XRN1: variants seen among roughly 807,000 people sequenced by gnomAD.
XRN1 encodes strand-exchange protein 1 homolog.
XRN1 carries 67 observed loss-of-function variants against 222.3 expected under a neutral mutation model. The ratio of observed to expected loss-of-function variants is 0.30; its 90% CI spans 0.25 to 0.37. The LOEUF (loss-of-function observed/expected upper bound fraction) is 0.37, where lower values mean the gene tolerates loss of function less well. Among genes scored for constraint, XRN1 ranks in the 10% least tolerant of loss-of-function variants. XRN1 has a pLI of 1.00. For missense variants in XRN1, 1,707 were observed against 2,000.2 expected, an observed-to-expected ratio of 0.85 and a Z score of 2.80; for synonymous variants, 643 against 652.4, an observed-to-expected ratio of 0.99 and a Z score of 0.22.
chr3:142,365,501 C>T (rs2066786921), intron 27 of XRN1, 135 bp from the exon 28 acceptor site: 9 of 568,274 alleles, frequency 1.6e-5, no homozygotes, highest in African/African-American at 2.0e-5. Context: ...TAAAGTTCTG[C>T]AGCTGCAGCA....
At chr3:142,384,476 AT>A (rs768123745) in intron 21 of XRN1, 46 bp downstream of exon 21, 17 of 1,453,352 alleles carry the variant, frequency 1.2e-5, no homozygotes, top group Admixed American at 1.9e-5. Flanking sequence ...TGAATAGTGT[AT>A]TAATAGTGTA....
chr3:142,324,705 C>T (rs1230279436), intron 37 of XRN1, among the ~76,000 whole-genome samples: 1 of 151,874 alleles, frequency 6.6e-6, no homozygotes, highest in Non-Finnish European at 1.5e-5. Context: ...AGTTTACAGT[C>T]CCAACAACAG....
chr3:142,320,252 A>G (rs1024229052), intron 37 of XRN1, among the ~76,000 whole-genome samples: 8 of 152,116 alleles, frequency 5.3e-5, no homozygotes, highest in Non-Finnish European at 5.9e-5. Context: ...TGACTTTTTT[A>G]ATAATAGCCA....
At chr3:142,380,061 A>G (rs1254641957) in intron 23 of XRN1, 21 bp downstream of exon 23, 1 of 1,582,570 alleles carries the variant, frequency 6.3e-7, no homozygotes. Flanking sequence ...TAAATGAAAC[A>G]ATACAAACTA....
intron 30 of XRN1, 142 bp from the exon 31 acceptor site, chr3:142,357,261 A>T: frequency 1.4e-6 from 1 of 723,114 alleles, no homozygotes; most frequent in Non-Finnish European, 2.3e-6. Flanking sequence ...ACCTCAAATC[A>T]CAGCAATAGC....
At chr3:142,412,738 A>ATATT in intron 14 of XRN1, 75 bp from the exon 15 acceptor site, 1 of 1,178,168 alleles carries the variant, frequency 8.5e-7, no homozygotes, top group Non-Finnish European at 1.1e-6. Context: ...TGTATTTATA[A>ATATT]TATTTCCTCA....
Position 142,414,294 on chromosome 3 carries a change from A to G in XRN1, c.1437-3T>C. The G allele has an allele frequency of 1.3e-6, 2 of 1,554,156 alleles. No individual in the cohort carries two copies. The highest frequency in any genetic ancestry group is 1.3e-5 in the South Asian group (1 of 79,524). On this transcript the variant is annotated splice_polypyrimidine_tract_variant and splice_region_variant and intron_variant, in intron 13 of 40. Coordinates refer to ENST00000392981, the MANE Select transcript of XRN1 (RefSeq NM_001282857.2). ...GTGCATAATGATAAGGATAATACCT[A>G]TAAAACAAAACTGAGTTTTAAACAA...
intron 15 of XRN1, among the ~76,000 whole-genome samples, chr3:142,411,191 A>G (rs986991639): frequency 6.6e-6 from 1 of 152,170 alleles, no homozygotes; most frequent in African/African-American, 2.4e-5. Flanking sequence ...GCTCCTCTTC[A>G]TTCCCAATAT....
Position 142,368,956 on chromosome 3 carries a change from C to A in XRN1, c.3204+1529G>T, listed in dbSNP as rs578136896. On this transcript the variant is annotated intron_variant, in intron 27 of 40. Transcript: ENST00000392981. ...TTATCTTTTTGAGGACACTCTGAGG[C>A]AGGTACTATTTTATTCTAATTTTAC... Among the ~76,000 whole-genome samples the A allele has an allele frequency of 3.3e-5, 5 of 152,224 alleles. No homozygotes were observed. In the South Asian group the frequency reaches 1.0e-3, roughly 32 times the overall value.
chr3:142,376,321 G>T (rs1011800500), intron 24 of XRN1, 158 bp downstream of exon 24: 4 of 713,064 alleles, frequency 5.6e-6, no homozygotes, highest in Non-Finnish European at 9.3e-6. Context: ...TAAAACATGT[G>T]CCATTCAGAT....
At chr3:142,406,422 G>A (rs1348170052) in intron 15 of XRN1, among the ~76,000 whole-genome samples, 3 of 152,182 alleles carry the variant, frequency 2.0e-5, no homozygotes, top group Non-Finnish European at 4.4e-5. Context: ...CAGGACAAAA[G>A]CTTCTTGACA....
At chr3:142,384,262 ACT>A (rs1448261526) in intron 21 of XRN1, among the ~76,000 whole-genome samples, 2 of 145,790 alleles carry the variant, frequency 1.4e-5, no homozygotes, top group Non-Finnish European at 3.0e-5. Context: ...ACAGAGCGAG[ACT>A]CTGTCTCAAA....
chr3:142,415,673 G>A (rs949010728), intron 13 of XRN1, among the ~76,000 whole-genome samples: 34 of 152,166 alleles, frequency 2.2e-4, no homozygotes, highest in African/African-American at 7.2e-4. Flanking sequence ...AGAATCAGGT[G>A]ATTATAAAAC....
chr3:142,413,371 G>A (rs190666341), intron 14 of XRN1, among the ~76,000 whole-genome samples: 3 of 152,232 alleles, frequency 2.0e-5, no homozygotes, highest in East Asian at 3.9e-4. Context: ...TGTATCCAAA[G>A]GCAGGGAAAA....
intron 20 of XRN1, among the ~76,000 whole-genome samples, chr3:142,395,038 C>G (rs908404448): frequency 2.6e-5 from 4 of 152,186 alleles, no homozygotes; most frequent in African/African-American, 9.7e-5. Flanking sequence ...CTACATTCTT[C>G]CTGCAAAAGT....
At chr3:142,316,592 C>G (rs2065217215) in intron 39 of XRN1, among the ~76,000 whole-genome samples, 1 of 152,148 alleles carries the variant, frequency 6.6e-6, no homozygotes, top group Non-Finnish European at 1.5e-5. Context: ...TCCTTACTGC[C>G]AAGACTTCCC....
Position 142,380,151 on chromosome 3 carries a change from T to A in XRN1, c.2646A>T (p.Glu882Asp). The change falls in exon 23 of 41, where the codon GAA becomes GAT. Residue 882 changes from glutamate (E) to aspartate (D), a missense_variant. Physicochemically the swap from Glu to Asp is conservative, Grantham distance 45. Around this residue, in one of 2 missense-constraint regions of XRN1, gnomAD observed 1,234 missense variants for 1,518.2 expected, o/e 0.81. Coordinates refer to ENST00000392981, the MANE Select transcript of XRN1 (RefSeq NM_001282857.2). ...TGCTGAAAATCACACGAATCCTACC[T>A]TCTGTAATCACATCACCTGAATCCT... ...EVQDSGDVIT[E>D]GRIRVIFSIP... 6.2e-7 allele frequency: 1 copy of A among 1,613,952 alleles called. No homozygotes were observed. The highest frequency in any genetic ancestry group is 8.5e-7 in the Non-Finnish European group (1 of 1,179,926).
At chr3:142,341,322 T>C (rs1258424531) in intron 33 of XRN1, among the ~76,000 whole-genome samples, 2 of 151,988 alleles carry the variant, frequency 1.3e-5, no homozygotes, top group Admixed American at 6.6e-5. Context: ...CAAGAAATTA[T>C]GTCACACCAC....
At chr3:142,324,430 AT>A (rs1560287834) in intron 37 of XRN1, among the ~76,000 whole-genome samples, 1 of 151,856 alleles carries the variant, frequency 6.6e-6, no homozygotes, top group African/African-American at 2.4e-5. Flanking sequence ...TGAACTCATC[AT>A]TTTTTATGGC....
Sources: gnomAD v4.1 joint callset for allele counts (sites outside exome capture counted in the v4.1 genomes callset) on GRCh38, gnomAD v4.1.1 for gene constraint, gnomAD v4.1.1 regional missense constraint, MANE v1.5 for transcripts, NCBI Gene and HGNC (gene_info 2026-07-23, HGNC 2026-07-21) for gene names.